Variants in TSPAN9 observed in about 807,000 individuals in gnomAD.
TSPAN9 encodes tetraspanin-9.
A neutral mutation model predicts 31.0 loss-of-function variants in TSPAN9; 16 were observed. The observed-to-expected ratio is 0.52, with a 90% confidence interval of 0.35 to 0.78. The LOEUF is 0.78. Ranked by LOEUF, TSPAN9 falls within the 30% of genes least tolerant of loss-of-function variation. TSPAN9 has a pLI of 0.01. For missense variants in TSPAN9, 272 were observed against 312.5 expected, an observed-to-expected ratio of 0.87 and a Z score of 0.98; for synonymous variants, 145 against 121.6, an observed-to-expected ratio of 1.19 and a Z score of -1.27.
rs369263598 is a variant in TSPAN9, at chr12:3,168,767, C to T, written c.-17-32410C>T. ...TCTCTGGGAAGCTGAGGCCACTCTC[C>T]GCCCCCTCTCTTTTCTGTGTCTCCA... On this transcript the variant is annotated intron_variant, in intron 2 of 8. Coordinates refer to ENST00000011898, the MANE Select transcript of TSPAN9 (RefSeq NM_006675.5). This position sits in a 1 kb window ranked among gnomAD's most constrained non-coding sequence, Gnocchi z 4.0. 4.6e-5 allele frequency among the ~76,000 whole-genome samples: 7 copies of T among 152,248 alleles called. No homozygotes were observed. Among genetic ancestry groups the T allele is most frequent in the East Asian group, 3.9e-4 (2 of 5,176 alleles).
In TSPAN9 at chr12:3,265,093, C is replaced by T. The variant is rs75251530; in HGVS notation, c.64-13328C>T. Reference sequence around the variant, plus strand: ...CGATCTTGTGTGTGGTAGAAGCCAGCGCAGTGCTGGGCTCAGGGCAGATGT... The same window carrying T: ...CGATCTTGTGTGTGGTAGAAGCCAGTGCAGTGCTGGGCTCAGGGCAGATGT... On this transcript the variant is annotated intron_variant, in intron 3 of 8. Transcript: ENST00000011898. Among the ~76,000 whole-genome samples the T allele has an allele frequency of 2.9e-3, 434 of 152,266 alleles. 5 individuals are homozygous for T. The highest frequency in any genetic ancestry group is 0.011 in the East Asian group (56 of 5,170).
chr12:3,107,254 G>A lies in TSPAN9; in HGVS notation c.-18+23535G>A, dbSNP rs2098315175. Among the ~76,000 whole-genome samples the A allele has an allele frequency of 6.6e-6, 1 of 152,174 alleles. No homozygotes were observed. Among genetic ancestry groups the A allele is most frequent in the Non-Finnish European group, 1.5e-5 (1 of 68,034 alleles). On this transcript the variant is annotated intron_variant, in intron 2 of 8. Coordinates refer to ENST00000011898, the MANE Select transcript of TSPAN9 (RefSeq NM_006675.5). This position sits in a 1 kb window ranked among gnomAD's most constrained non-coding sequence, Gnocchi z 4.1. ...AAATTTGAGTTAGAGTGGTGGAGGG[G>A]CCAGACTGTTACTCATCCTTGACTG...
chr12:3,145,390 A>T (rs916205864), intron 2 of TSPAN9, among the ~76,000 whole-genome samples: 1 of 152,090 alleles, frequency 6.6e-6, no homozygotes, highest in Non-Finnish European at 1.5e-5. Flanking sequence ...TGCCAGCTTG[A>T]TGAAGAGCTC....
At chr12:3,190,207 C>T (rs1392435685) in intron 2 of TSPAN9, among the ~76,000 whole-genome samples, 1 of 152,206 alleles carries the variant, frequency 6.6e-6, no homozygotes, top group East Asian at 1.9e-4. Flanking sequence ...CACAGTCAGG[C>T]TGGATGTGAG....
intron 2 of TSPAN9, among the ~76,000 whole-genome samples, chr12:3,178,038 G>A (rs1291399352): frequency 6.6e-6 from 1 of 152,190 alleles, no homozygotes; most frequent in Non-Finnish European, 1.5e-5. Flanking sequence ...TGGTGTCATG[G>A]GCACACAGGG....
chr12:3,126,153 T>G (rs945239616), intron 2 of TSPAN9, among the ~76,000 whole-genome samples: 1 of 152,226 alleles, frequency 6.6e-6, no homozygotes, highest in African/African-American at 2.4e-5. Flanking sequence ...GTCAAATGCA[T>G]AAGACCTCAC....
At chr12:3,266,682 A>T (rs1179904629) in intron 3 of TSPAN9, among the ~76,000 whole-genome samples, 1 of 152,184 alleles carries the variant, frequency 6.6e-6, no homozygotes, top group African/African-American at 2.4e-5. Context: ...GTTGTCACTT[A>T]AGTTGGTGCT....
intron 3 of TSPAN9, among the ~76,000 whole-genome samples, chr12:3,224,986 C>T (rs1025787106): frequency 6.6e-6 from 1 of 152,222 alleles, no homozygotes; most frequent in African/African-American, 2.4e-5. Flanking sequence ...AGAGGTTCAT[C>T]CAGCCACTCC....
In TSPAN9 at chr12:3,170,069, G is replaced by A. The variant is rs989931169; in HGVS notation, c.-17-31108G>A. Among the ~76,000 whole-genome samples, 9 of 152,200 alleles carry A rather than the reference G, an allele frequency of 5.9e-5. No individual in the cohort carries two copies. The highest frequency in any genetic ancestry group is 1.9e-4 in the African/African-American group (8 of 41,442). On this transcript the variant is annotated intron_variant, in intron 2 of 8. Coordinates refer to ENST00000011898, the MANE Select transcript of TSPAN9 (RefSeq NM_006675.5). This position sits in a 1 kb window ranked among gnomAD's most constrained non-coding sequence, Gnocchi z 4.4. ...TACTTTCTGGCTGCCGTGACCTTGA[G>A]CAAGTCCCTTTACTTCTCTCTGTTC...
At chr12:3,258,598 A>G (rs1862393327) in intron 3 of TSPAN9, among the ~76,000 whole-genome samples, 1 of 145,356 alleles carries the variant, frequency 6.9e-6, no homozygotes, top group Non-Finnish European at 1.5e-5. Context: ...TGTGGACACC[A>G]TTTCTTATCT....
chr12:3,190,258 G>A (rs1202683665), intron 2 of TSPAN9, among the ~76,000 whole-genome samples: 5 of 152,216 alleles, frequency 3.3e-5, no homozygotes, highest in African/African-American at 9.6e-5. Context: ...AGCACCCTCT[G>A]TGGAGTGGTT....
At chr12:3,100,477 C>T (rs1177857678) in intron 2 of TSPAN9, among the ~76,000 whole-genome samples, 2 of 152,196 alleles carry the variant, frequency 1.3e-5, no homozygotes, top group East Asian at 3.8e-4. Context: ...GTAAGCTGGA[C>T]AATCAGAGGA....
intron 2 of TSPAN9, among the ~76,000 whole-genome samples, chr12:3,156,325 T>C (rs1239828190): frequency 6.6e-6 from 1 of 152,084 alleles, no homozygotes; most frequent in Non-Finnish European, 1.5e-5. Flanking sequence ...TGCTTTTATC[T>C]GTGTCCTCCC....
At chr12:3,181,380 A>G (rs1179640478) in intron 2 of TSPAN9, among the ~76,000 whole-genome samples, 1 of 152,196 alleles carries the variant, frequency 6.6e-6, no homozygotes, top group Non-Finnish European at 1.5e-5. Flanking sequence ...GTGCCTTGTC[A>G]CGGGGCAGAG....
At chr12:3,114,060 C>T (rs1380220389) in intron 2 of TSPAN9, among the ~76,000 whole-genome samples, 1 of 152,196 alleles carries the variant, frequency 6.6e-6, no homozygotes, top group Non-Finnish European at 1.5e-5. Context: ...CATCCCTTCT[C>T]CTCTCCTGCA....
intron 3 of TSPAN9, among the ~76,000 whole-genome samples, chr12:3,273,652 G>A (rs1477436177): frequency 6.6e-6 from 1 of 152,202 alleles, no homozygotes; most frequent in Non-Finnish European, 1.5e-5. Context: ...CCTCCTTCCT[G>A]TGCTATGTGC....
chr12:3,275,891 C>G (rs554867858), intron 3 of TSPAN9, among the ~76,000 whole-genome samples: 16 of 152,234 alleles, frequency 1.1e-4, no homozygotes, highest in Non-Finnish European at 1.8e-4. Context: ...CTGTTCCTAC[C>G]TTTTTCTTCA....
intron 2 of TSPAN9, among the ~76,000 whole-genome samples, chr12:3,121,307 C>T (rs1232627717): frequency 6.7e-6 from 1 of 148,218 alleles, no homozygotes; most frequent in African/African-American, 2.5e-5. Flanking sequence ...TTTGTTTGGG[C>T]GCAGCTGACA....
chr12:3,265,735 G>A (rs1031774847), intron 3 of TSPAN9, among the ~76,000 whole-genome samples: 2 of 152,126 alleles, frequency 1.3e-5, no homozygotes, highest in African/African-American at 4.8e-5. Flanking sequence ...ACTCAGGTTG[G>A]GCTAGAAATT....
Sources: allele counts gnomAD v4.1 joint callset (sites outside exome capture counted in the v4.1 genomes callset), GRCh38; gene constraint gnomAD v4.1.1; non-coding constraint Gnocchi (gnomAD v3.1); transcripts MANE v1.5; gene names NCBI Gene and HGNC (gene_info 2026-07-23, HGNC 2026-07-21).